Variants in TDRD9 observed in about 807,000 individuals in gnomAD.
TDRD9 encodes tudor domain containing 9.
A neutral mutation model predicts 172.6 loss-of-function variants in TDRD9; 124 were observed. The ratio of observed to expected loss-of-function variants is 0.72; its 90% CI spans 0.62 to 0.83. The LOEUF (loss-of-function observed/expected upper bound fraction) is 0.83, where lower values mean the gene tolerates loss of function less well. Ranked by LOEUF, TDRD9 falls within the 40% of genes least tolerant of loss-of-function variation. The pLI, the probability that TDRD9 is intolerant of heterozygous loss-of-function variation, is 0.00. For missense variants in TDRD9, 1,479 were observed against 1,714.1 expected (o/e 0.86, Z 2.42); for synonymous variants, 619 against 617.1 (o/e 1.00, Z -0.05).
At chr14:104,015,738 C>T (rs1158160726) in intron 21 of TDRD9, among the ~76,000 whole-genome samples, 2 of 152,150 alleles carry the variant, frequency 1.3e-5, no homozygotes, top group Non-Finnish European at 2.9e-5. Flanking sequence ...AGTACTCAAG[C>T]TCTTTTGAAG....
At chr14:103,932,112 T>A (rs2030428703) in intron 1 of TDRD9, among the ~76,000 whole-genome samples, 1 of 152,210 alleles carries the variant, frequency 6.6e-6, no homozygotes. Context: ...TAGGAAACCC[T>A]AAGCAGGGGA....
intron 13 of TDRD9, 43 bp downstream of exon 13, chr14:103,998,771 C>T (rs376240539): frequency 8.4e-6 from 8 of 948,508 alleles, no homozygotes; most frequent in Admixed American, 2.1e-5. Flanking sequence ...TCATTGGTGA[C>T]ACAGTGGCAC....
At chr14:103,965,252 A>T (rs2032684641) in intron 3 of TDRD9, 81 bp from the exon 4 acceptor site, 1 of 1,331,268 alleles carries the variant, frequency 7.5e-7, no homozygotes, top group Non-Finnish European at 1.0e-6. Context: ...AGAAAAATAA[A>T]TCCTGAAAGA....
intron 32 of TDRD9, among the ~76,000 whole-genome samples, chr14:104,036,823 C>T (rs879876029): frequency 1.4e-4 from 21 of 152,196 alleles, no homozygotes; most frequent in African/African-American, 3.1e-4. Flanking sequence ...AGATTTGGGA[C>T]GGTTTATGTG....
chr14:104,018,305 C>T (rs1051043257), intron 23 of TDRD9, 113 bp downstream of exon 23: 5 of 644,218 alleles, frequency 7.8e-6, no homozygotes, highest in African/African-American at 7.3e-5. Flanking sequence ...CTCCTATGGG[C>T]TGCTGCAATT....
At chr14:103,953,657 C>G (rs2032056663) in intron 1 of TDRD9, among the ~76,000 whole-genome samples, 1 of 152,062 alleles carries the variant, frequency 6.6e-6, no homozygotes. Flanking sequence ...GTAACTGATG[C>G]TGTAACTCCC....
chr14:104,026,889 C>T lies in TDRD9; in HGVS notation c.3232C>T (p.Leu1078Phe). ...VQDAINIRDVLIQQGYAELTE... is the reference protein window; with the variant it reads ...VQDAINIRDVFIQQGYAELTE... ...GGATGCCATCAACATAAGAGACGTC[C>T]TCATCCAGCAGGGCTATGCCGAGCT... The change falls in exon 28 of 36, where the codon CTC becomes TTC. Residue 1078 changes from leucine to phenylalanine, a missense_variant. By Grantham distance (22) the Leu-to-Phe change is conservative. Transcript: ENST00000409874. 6.2e-7 allele frequency: 1 copy of T among 1,614,038 alleles called. No homozygotes were observed. The highest frequency in any genetic ancestry group is 1.3e-5 in the African/African-American group (1 of 75,074).
Position 104,022,303 on chromosome 14 carries a change from T to A in TDRD9, c.2579T>A (p.Met860Lys), listed in dbSNP as rs147474559. 2.9e-5 allele frequency: 46 copies of A among 1,613,444 alleles called. No individual in the cohort carries two copies. In the African/African-American group the frequency reaches 6.0e-4, roughly 21 times the overall value. Residue 860 changes from methionine to lysine, a missense_variant, in exon 24 of 36, where the codon ATG (methionine) becomes AAG (lysine). Physicochemically the swap from Met to Lys is moderately conservative, Grantham distance 95 (BLOSUM62 -1). Coordinates refer to ENST00000409874, the MANE Select transcript of TDRD9 (RefSeq NM_153046.3). ...AEEIEGKVQG[M>K]NVSKLRNTRV... ...GAAATTGAAGGGAAGGTGCAAGGCA[T>A]GAACGTCTCAAAGCTCAGGAACACA...
rs1352423107 is a variant in TDRD9, at chr14:104,016,063, G to T, written c.2306G>T (p.Gly769Val). 1 of 1,603,788 alleles carries T rather than the reference G, an allele frequency of 6.2e-7. No individual in the cohort carries two copies. The highest frequency in any genetic ancestry group is 2.2e-5 in the East Asian group (1 of 44,570). The change falls in exon 22 of 36, where the codon GGC becomes GTC. Residue 769 changes from glycine to valine, a missense_variant. Gly to Val is a moderately radical substitution (Grantham distance 109). Coordinates refer to ENST00000409874, the MANE Select transcript of TDRD9 (RefSeq NM_153046.3). ...DEEMAVRELA[G>V]KDPKTTVVLK... The stretch of plus-strand genomic sequence containing the variant: ...GAGATGGCGGTGAGGGAGCTGGCTG[G>T]CAAGGACCCCAAGACAACTGTCGTG...
rs953233189 is a variant in TDRD9, at chr14:103,928,461, C to G, written c.-49C>G. 1.4e-6 allele frequency: 2 copies of G among 1,418,516 alleles called. No individual in the cohort carries two copies. The highest frequency in any genetic ancestry group is 1.9e-6 in the Non-Finnish European group (2 of 1,076,430). 87.9% of individuals were successfully genotyped at this position (1,418,516 alleles called of 1,614,324 possible). ...GTGCGCTTCCGCCGTCGCCTGTTCC[C>G]GCCGCGGAGACCCGGCAGTTGGGGG... On this transcript the variant is annotated 5_prime_UTR_variant, in exon 1 of 36. Transcript: ENST00000409874.
chr14:103,977,418 G>A (rs1217811601), intron 7 of TDRD9, among the ~76,000 whole-genome samples: 1 of 134,994 alleles, frequency 7.4e-6, no homozygotes, highest in Non-Finnish European at 1.6e-5. Flanking sequence ...GCATGAACCC[G>A]GGAGGCGGAG....
intron 13 of TDRD9, among the ~76,000 whole-genome samples, chr14:104,002,678 G>T (rs2034301057): frequency 6.6e-6 from 1 of 151,704 alleles, no homozygotes; most frequent in South Asian, 2.1e-4. Flanking sequence ...CTTTTAGGCT[G>T]AACTTAAAAT....
chr14:103,982,774 G>A (rs146509234), intron 7 of TDRD9, among the ~76,000 whole-genome samples: 4,352 of 152,178 alleles, frequency 0.029, 133 homozygotes, highest in African/African-American at 0.075. Flanking sequence ...GGTGGCACAC[G>A]CCTGTAATCC....
intron 13 of TDRD9, 136 bp from the exon 14 acceptor site, chr14:104,004,102 T>G (rs1296998684): frequency 6.4e-6 from 3 of 467,418 alleles, no homozygotes; most frequent in African/African-American, 1.9e-5. Flanking sequence ...TATTCTAAAG[T>G]TTTTACTGAC....
chr14:104,018,131 C>A lies in TDRD9; in HGVS notation c.2371C>A (p.Gln791Lys). The A allele has an allele frequency of 6.2e-7, 1 of 1,608,016 alleles. No homozygotes were observed. ...IPPYGFLYYK[Q>K]LQSLFRQCGQ... The stretch of plus-strand genomic sequence containing the variant: ...TCCCTATGGATTTCTTTACTATAAA[C>A]AACTACAGTCTCTCTTTAGACAGTG... The change falls in exon 23 of 36, where the codon CAA becomes AAA. Residue 791 changes from glutamine to lysine, a missense_variant. By Grantham distance (53) the Gln-to-Lys change is moderately conservative (BLOSUM62 1). Transcript: ENST00000409874.
chr14:104,052,088 T>C lies in TDRD9; in HGVS notation c.*6T>C. The C allele has an allele frequency of 2.6e-6, 4 of 1,559,028 alleles. No homozygotes were observed. In the South Asian group the frequency reaches 4.7e-5, roughly 18 times the overall value. Reference sequence around the variant, plus strand: ...TGGTTGTGCTCGGCACCTGAGCATGTCCACAGGTGGCCTCCAGCACACCCC... The same window carrying C: ...TGGTTGTGCTCGGCACCTGAGCATGCCCACAGGTGGCCTCCAGCACACCCC... On this transcript the variant is annotated 3_prime_UTR_variant, in exon 36 of 36. Transcript: ENST00000409874.
chr14:103,987,138 A>G (rs372759094), intron 8 of TDRD9, among the ~76,000 whole-genome samples: 4,231 of 151,524 alleles, frequency 0.028, 126 homozygotes, highest in African/African-American at 0.073. Flanking sequence ...ACACACACAC[A>G]CACACACACA....
intron 2 of TDRD9, among the ~76,000 whole-genome samples, chr14:103,958,198 G>C (rs2032337930): frequency 6.6e-6 from 1 of 152,174 alleles, no homozygotes; most frequent in Non-Finnish European, 1.5e-5. Context: ...AGCTCTATGG[G>C]GGTGTAAAAC....
chr14:103,986,195 T>C (rs1267383308), intron 7 of TDRD9, 22 bp from the exon 8 acceptor site: 1 of 1,602,284 alleles, frequency 6.2e-7, no homozygotes, highest in African/African-American at 1.3e-5. Context: ...GTATTGCGAC[T>C]TTTTTCTTTC....
Sources: allele counts gnomAD v4.1 joint callset (sites outside exome capture counted in the v4.1 genomes callset), GRCh38; gene constraint gnomAD v4.1.1; transcripts MANE v1.5; gene names NCBI Gene and HGNC (gene_info 2026-07-23, HGNC 2026-07-21).